Variants in CDH23 observed in about 807,000 individuals in gnomAD.
CDH23 encodes the protein cadherin-23.
CDH23 carries 189 observed loss-of-function variants against 317.1 expected under a neutral mutation model. The ratio of observed to expected loss-of-function variants is 0.60; its 90% CI spans 0.53 to 0.67. CDH23 has a LOEUF of 0.67. Ranked by LOEUF, CDH23 falls within the 30% of genes least tolerant of loss-of-function variation. CDH23 has a pLI of 0.00. For synonymous variants in CDH23, 1,839 were observed against 1,876.8 expected, an observed-to-expected ratio of 0.98 and a Z score of 0.52; for missense variants, 4,401 against 4,592.4, an observed-to-expected ratio of 0.96 and a Z score of 1.20.
chr10:71,664,010 A>G (rs948435197), intron 14 of CDH23, among the ~76,000 whole-genome samples: 1 of 108,138 alleles, frequency 9.2e-6, no homozygotes, highest in Non-Finnish European at 2.2e-5. Context: ...CAAAAAAAAA[A>G]AAAAAGGATT....
chr10:71,649,529 G>A (rs1039301680), intron 14 of CDH23, among the ~76,000 whole-genome samples: 5 of 152,114 alleles, frequency 3.3e-5, no homozygotes, highest in Non-Finnish European at 5.9e-5. Flanking sequence ...ACCAGTCCAG[G>A]TGTCCTAGCA....
intron 48 of CDH23, chr10:71,796,860 G>T: frequency 2.4e-6 from 1 of 422,706 alleles, no homozygotes; most frequent in Non-Finnish European, 4.4e-6. Context: ...TGTGGACACA[G>T]AGGTGCAGAG....
intron 3 of CDH23, among the ~76,000 whole-genome samples, chr10:71,507,563 G>T (rs568639674): frequency 6.6e-6 from 1 of 152,132 alleles, no homozygotes; most frequent in Non-Finnish European, 1.5e-5. Context: ...CATGGTGGCT[G>T]ATGCCTGTAA....
chr10:71,631,977 G>A (rs990863142), intron 11 of CDH23, among the ~76,000 whole-genome samples: 1 of 152,220 alleles, frequency 6.6e-6, no homozygotes, highest in African/African-American at 2.4e-5. Context: ...GTGGCTGGGG[G>A]TGGGAGAGGA....
intron 8 of CDH23, among the ~76,000 whole-genome samples, chr10:71,574,558 G>A (rs1419333258): frequency 6.6e-6 from 1 of 152,134 alleles, no homozygotes; most frequent in Non-Finnish European, 1.5e-5. Context: ...TCCTACTCCT[G>A]AAGCAAGCTG....
chr10:71,418,145 A>T (rs963854199), intron 1 of CDH23, among the ~76,000 whole-genome samples: 1 of 152,156 alleles, frequency 6.6e-6, no homozygotes, highest in Non-Finnish European at 1.5e-5. Context: ...ATATTTGATA[A>T]TCTAGTAACT....
Position 71,679,859 on chromosome 10 carries a change from G to A in CDH23, c.1858+367G>A, listed in dbSNP as rs7920800. ...AAGACTCCCTACTTTTTGGGCGGCC[G>A]TGTGGGACCAGGCACTCTGCACCAT... On this transcript the variant is annotated intron_variant, in intron 17 of 69. Coordinates refer to ENST00000224721, the MANE Select transcript of CDH23 (RefSeq NM_022124.6). 3.3e-3 allele frequency among the ~76,000 whole-genome samples: 501 copies of A among 152,316 alleles called. 2 individuals carry two copies. The highest frequency in any genetic ancestry group is 0.012 in the African/African-American group (480 of 41,548).
rs879837913 is a variant in CDH23 at position 71,517,561 on chromosome 10, G to GC, written c.429+6349_429+6350insC. On this transcript the variant is annotated intron_variant, in intron 6 of 69. Transcript: ENST00000224721. ...TCCTCAGGTTGCAGCGAGAAGCTGG[G>GC]GGGGAGATGCGAGGGGGCTCCCACT... Among the ~76,000 whole-genome samples the GC allele has an allele frequency of 1.8e-3, 279 of 152,198 alleles. 1 individual carries two copies. The highest frequency in any genetic ancestry group is 6.6e-3 in the African/African-American group (276 of 41,528).
intron 55 of CDH23, 24 bp from the exon 56 acceptor site, chr10:71,805,782 C>G (rs778750527): frequency 1.9e-6 from 3 of 1,598,612 alleles, no homozygotes; most frequent in Non-Finnish European, 2.6e-6. Flanking sequence ...GGTCCAGGAG[C>G]CTTCCTCCCC....
At chr10:71,810,196 C>T (rs755746885) in intron 61 of CDH23, 120 bp downstream of exon 61, 2 of 1,219,108 alleles carry the variant, frequency 1.6e-6, no homozygotes, top group Non-Finnish European at 2.3e-6. Flanking sequence ...ATAGTCCCTA[C>T]TTAGTCATTT....
Position 71,397,976 on chromosome 10 carries a change from C to T in CDH23, c.-6+658C>T, listed in dbSNP as rs74787244. The stretch of plus-strand genomic sequence containing the variant: ...TCGCCTTCCTGGCCCTGGAACTGGT[C>T]CGCTACGAGCGGTGCTGGCTGCCCC... On this transcript the variant is annotated intron_variant, in intron 1 of 69. Coordinates refer to ENST00000224721, the MANE Select transcript of CDH23 (RefSeq NM_022124.6). This position sits in a 1 kb window ranked among gnomAD's most constrained non-coding sequence, Gnocchi z 4.8. 6.4e-3 allele frequency among the ~76,000 whole-genome samples: 978 copies of T among 152,362 alleles called. 10 individuals carry two copies. The highest frequency in any genetic ancestry group is 0.022 in the African/African-American group (915 of 41,586).
At chr10:71,741,015 T>G (rs1224705535) in intron 37 of CDH23, 65 bp downstream of exon 37, 1 of 1,587,558 alleles carries the variant, frequency 6.3e-7, no homozygotes, top group Non-Finnish European at 8.6e-7. Context: ...GAGCCAACCA[T>G]GCAGCCCCTG....
intron 15 of CDH23, among the ~76,000 whole-genome samples, chr10:71,675,714 C>T (rs1864333394): frequency 6.6e-6 from 1 of 152,154 alleles, no homozygotes; most frequent in Admixed American, 6.5e-5. Context: ...TGACCTTCAC[C>T]ACTAGGCTAC....
intron 9 of CDH23, among the ~76,000 whole-genome samples, chr10:71,588,780 C>G (rs957677252): frequency 2.6e-5 from 4 of 152,244 alleles, no homozygotes; most frequent in Non-Finnish European, 5.9e-5. Flanking sequence ...CTGCCCTCAT[C>G]CCTCTGGGTG....
chr10:71,760,020 C>T (rs868782538), intron 38 of CDH23, among the ~76,000 whole-genome samples: 1 of 91,292 alleles, frequency 1.1e-5, no homozygotes, highest in African/African-American at 3.7e-5. Context: ...TACACACACA[C>T]ATATATACAC....
chr10:71,796,573 G>A (rs1408012548), intron 48 of CDH23, among the ~76,000 whole-genome samples: 1 of 152,158 alleles, frequency 6.6e-6, no homozygotes, highest in Non-Finnish European at 1.5e-5. Context: ...GATCTCCCTA[G>A]AATCTAAGCA....
intron 6 of CDH23, among the ~76,000 whole-genome samples, chr10:71,540,518 G>A (rs562282714): frequency 6.6e-6 from 1 of 152,260 alleles, no homozygotes; most frequent in East Asian, 1.9e-4. Flanking sequence ...CGTGCTGTTG[G>A]TGATGACTTA....
At chr10:71,806,334 C>A in intron 57 of CDH23, 53 bp downstream of exon 57, 1 of 1,254,580 alleles carries the variant, frequency 8.0e-7, no homozygotes, top group Non-Finnish European at 1.1e-6. Context: ...ACTCACCTGC[C>A]TGCAAGCACA....
intron 38 of CDH23, among the ~76,000 whole-genome samples, chr10:71,771,497 G>A (rs1357087670): frequency 6.6e-6 from 1 of 152,214 alleles, no homozygotes; most frequent in African/African-American, 2.4e-5. Flanking sequence ...TGCTGACCAT[G>A]CCTGCAACCA....
Sources: allele counts gnomAD v4.1 joint callset (sites outside exome capture counted in the v4.1 genomes callset), GRCh38; gene constraint gnomAD v4.1.1; non-coding constraint Gnocchi (gnomAD v3.1); transcripts MANE v1.5; gene names NCBI Gene and HGNC (gene_info 2026-07-23, HGNC 2026-07-21).